GRAMD1B: variants seen among roughly 807,000 people sequenced by gnomAD.
GRAMD1B encodes protein Aster-B.
Under a neutral mutation model 99.7 loss-of-function variants are expected in GRAMD1B, and 37 were observed. The ratio of observed to expected loss-of-function variants is 0.37; its 90% CI spans 0.29 to 0.49. GRAMD1B has a LOEUF of 0.49. Among genes scored for constraint, GRAMD1B ranks in the 20% least tolerant of loss-of-function variants. The pLI is 0.98. For missense variants in GRAMD1B, 888 were observed against 1,009.2 expected, an observed-to-expected ratio of 0.88 and a Z score of 1.63; for synonymous variants, 427 against 387.6, an observed-to-expected ratio of 1.10 and a Z score of -1.19.
intron 2 of GRAMD1B, among the ~76,000 whole-genome samples, chr11:123,508,174 G>A (rs890688779): frequency 6.6e-6 from 1 of 152,172 alleles, no homozygotes; most frequent in African/African-American, 2.4e-5. Flanking sequence ...TTAGCTCATG[G>A]TTTTGGAGGC....
chr11:123,466,300 AAGAG>A (rs1353300263), intron 1 of GRAMD1B, among the ~76,000 whole-genome samples: 9 of 139,066 alleles, frequency 6.5e-5, no homozygotes, highest in African/African-American at 8.4e-5. Flanking sequence ...AAAAGAAAGA[AAGAG>A]AGAGAGAGAA....
rs147849951 is a variant in GRAMD1B, at chr11:123,406,268, T to C, written c.-176+47469T>C. On this transcript the variant is annotated intron_variant, in intron 1 of 20. Transcript: ENST00000638157. ...ACCCAGCCCATTGTTGCTTTTTTTT[T>C]TTTGAGACGGAGTCTCACTCTGTCA... 7.8e-3 allele frequency among the ~76,000 whole-genome samples: 1,184 copies of C among 151,742 alleles called. 21 individuals are homozygous for C. The highest frequency in any genetic ancestry group is 0.026 in the African/African-American group (1,084 of 41,328).
At chr11:123,393,399 G>A (rs1045010344) in intron 1 of GRAMD1B, among the ~76,000 whole-genome samples, 5 of 152,200 alleles carry the variant, frequency 3.3e-5, no homozygotes, top group African/African-American at 1.2e-4. Context: ...AATCTGGTTT[G>A]GGAGAAGCCT....
chr11:123,540,214 C>T (rs995265177), intron 2 of GRAMD1B, among the ~76,000 whole-genome samples: 1 of 151,710 alleles, frequency 6.6e-6, no homozygotes, highest in Non-Finnish European at 1.5e-5. Flanking sequence ...TATAGGTGTG[C>T]ACCACCATAC....
chr11:123,374,666 A>T (rs1489489731), intron 1 of GRAMD1B, among the ~76,000 whole-genome samples: 1 of 152,238 alleles, frequency 6.6e-6, no homozygotes, highest in Non-Finnish European at 1.5e-5. Context: ...AGCAATAGAC[A>T]GCGACCCTCT....
intron 2 of GRAMD1B, chr11:123,560,157 T>TGTA: frequency 1.0e-6 from 1 of 996,028 alleles, no homozygotes; most frequent in Non-Finnish European, 1.2e-6. Context: ...AGTTGCATTA[T>TGTA]GTAAACCGGC....
At chr11:123,414,047 A>ATTT (rs780726855) in intron 1 of GRAMD1B, among the ~76,000 whole-genome samples, 8 of 142,766 alleles carry the variant, frequency 5.6e-5, no homozygotes, top group African/African-American at 2.1e-4. Context: ...CATCATCATC[A>ATTT]TTTTTTTTTT....
intron 1 of GRAMD1B, among the ~76,000 whole-genome samples, chr11:123,379,457 GT>G (rs1455493694): frequency 1.3e-5 from 2 of 151,914 alleles, no homozygotes; most frequent in Non-Finnish European, 2.9e-5. Context: ...GGCCTTCTGT[GT>G]TCTTTCACTT....
At chr11:123,528,833 A>C (rs2714068) in intron 2 of GRAMD1B, among the ~76,000 whole-genome samples, 2 of 151,922 alleles carry the variant, frequency 1.3e-5, no homozygotes, top group Non-Finnish European at 2.9e-5. Flanking sequence ...AGGTAGGGAA[A>C]TGGAGGCACA....
At chr11:123,582,307 G>C (rs572928565) in intron 3 of GRAMD1B, among the ~76,000 whole-genome samples, 3 of 152,332 alleles carry the variant, frequency 2.0e-5, no homozygotes, top group East Asian at 1.9e-4. Context: ...CCTCCAGAAG[G>C]GGGTAGCCTT....
chr11:123,513,608 TCC>T (rs1941342421), intron 2 of GRAMD1B, among the ~76,000 whole-genome samples: 4 of 120,418 alleles, frequency 3.3e-5, no homozygotes, highest in African/African-American at 1.3e-4. Context: ...CTTCCTTCCT[TCC>T]TTCCTTCCTT....
chr11:123,488,400 C>T (rs937113328), intron 2 of GRAMD1B, among the ~76,000 whole-genome samples: 1 of 152,120 alleles, frequency 6.6e-6, no homozygotes, highest in Non-Finnish European at 1.5e-5. Context: ...CTCTCCAGGC[C>T]GGGCATTTGG....
chr11:123,498,634 AATATTTTATTCCTC>A (rs1245785168), intron 2 of GRAMD1B, among the ~76,000 whole-genome samples: 2 of 152,102 alleles, frequency 1.3e-5, no homozygotes, highest in Non-Finnish European at 2.9e-5. Context: ...TGTCCTATCT[AATATTTTATTCCTC>A]CATGGCCATG....
intron 2 of GRAMD1B, among the ~76,000 whole-genome samples, chr11:123,512,239 G>A (rs563884218): frequency 9.2e-5 from 14 of 152,192 alleles, no homozygotes; most frequent in Non-Finnish European, 1.9e-4. Flanking sequence ...TGGTGGGAAC[G>A]CTGCTGTCTG....
chr11:123,591,105 C>G lies in GRAMD1B; in HGVS notation c.685-2977C>G, dbSNP rs1326123865. 1 of 247,904 alleles carries G rather than the reference C, an allele frequency of 4.0e-6. No individual in the cohort carries two copies. The highest frequency in any genetic ancestry group is 7.6e-6 in the Non-Finnish European group (1 of 130,902). The allele number at this position is 247,904 out of a possible 1,614,324, so 15.4% of individuals were successfully genotyped here. ...CACCACCTCTGGGCTACTCTCTGCC[C>G]GTGGACCAGCCGAGAAGAAAGCAGA... On this transcript the variant is annotated intron_variant, in intron 4 of 19. Coordinates refer to ENST00000635736, the MANE Select transcript of GRAMD1B (RefSeq NM_001387025.1). This position sits in a 1 kb window ranked among gnomAD's most constrained non-coding sequence, Gnocchi z 4.7.
chr11:123,473,990 A>G (rs1292059446), intron 1 of GRAMD1B, among the ~76,000 whole-genome samples: 3 of 152,204 alleles, frequency 2.0e-5, no homozygotes, highest in Non-Finnish European at 2.9e-5. Context: ...GTCATTTTAT[A>G]TGTAGAAATA....
chr11:123,386,060 G>C (rs1235583707), intron 1 of GRAMD1B, among the ~76,000 whole-genome samples: 3 of 152,208 alleles, frequency 2.0e-5, no homozygotes, highest in African/African-American at 7.2e-5. Context: ...ACAGATTTGA[G>C]TTGGAATTCT....
chr11:123,607,187 T>C (rs555110748), intron 11 of GRAMD1B, among the ~76,000 whole-genome samples: 1 of 152,326 alleles, frequency 6.6e-6, no homozygotes, highest in East Asian at 1.9e-4. Flanking sequence ...CGAAACTTGT[T>C]AATGCAATTT....
At position 123,363,570 on chromosome 11, in the gene GRAMD1B, C is replaced by CTTTTTTTTTTG. The variant is rs1404217054; in HGVS notation, c.-176+4780_-176+4781insTGTTTTTTTTT. 6.8e-3 allele frequency among the ~76,000 whole-genome samples: 1,032 copies of CTTTTTTTTTTG among 151,376 alleles called. 13 individuals are homozygous for CTTTTTTTTTTG. The highest frequency in any genetic ancestry group is 0.024 in the African/African-American group (988 of 41,066). On this transcript the variant is annotated intron_variant, in intron 1 of 20. Transcript: ENST00000638157. ...TTCCCCTCTCATACTCTCTCTCATA[C>CTTTTTTTTTTG]TTTTTTTTTGTTTGTTTTTTTTTGG... is the stretch of plus-strand genomic sequence containing the variant.
Sources: gnomAD v4.1 joint callset for allele counts (sites outside exome capture counted in the v4.1 genomes callset) on GRCh38, gnomAD v4.1.1 for gene constraint, Gnocchi (gnomAD v3.1) non-coding constraint, MANE v1.5 for transcripts, NCBI Gene and HGNC (gene_info 2026-07-23, HGNC 2026-07-21) for gene names.